CD5: variants seen among roughly 807,000 people sequenced by gnomAD.
CD5 encodes CD5 molecule, also known as T-cell surface glycoprotein CD5.
CD5 carries 36 observed loss-of-function variants against 60.3 expected under a neutral mutation model. The observed-to-expected ratio is 0.60, with a 90% confidence interval of 0.46 to 0.79. The LOEUF (loss-of-function observed/expected upper bound fraction) is 0.79, where lower values mean the gene tolerates loss of function less well. Ranked by LOEUF, CD5 falls within the 30% of genes least tolerant of loss-of-function variation. The pLI is 0.00. For missense variants in CD5, 540 were observed against 630.6 expected (o/e 0.86, Z 1.54); for synonymous variants, 230 against 257.6 (o/e 0.89, Z 1.03).
chr11:61,096,980 C>T, the CD5 span, among the ~76,000 whole-genome samples: 1 of 152,156 alleles, frequency 6.6e-6, no homozygotes, highest in Admixed American at 6.5e-5. Flanking sequence ...CTCCACGGAA[C>T]ACCCCCCTCC....
In CD5 at chr11:61,114,157, G is replaced by A. The variant is rs149932625; in HGVS notation, c.56-899G>A. On this transcript the variant is annotated intron_variant, in intron 1 of 10. Coordinates refer to ENST00000347785, the MANE Select transcript of CD5 (RefSeq NM_014207.4). ...AAACAGGGTCTTACTCTGTCACCCAGCTAGAGTGCTGTGGCATAATCATAG... is the reference window on the plus strand; with the variant it reads ...AAACAGGGTCTTACTCTGTCACCCAACTAGAGTGCTGTGGCATAATCATAG... Among the ~76,000 whole-genome samples the A allele has an allele frequency of 2.2e-3, 329 of 152,168 alleles. 3 individuals are homozygous for A. Among genetic ancestry groups the A allele is most frequent in the Non-Finnish European group, 3.6e-3 (243 of 68,002 alleles).
At chr11:61,123,521 A>G (rs1449658049) in intron 7 of CD5, among the ~76,000 whole-genome samples, 1 of 152,180 alleles carries the variant, frequency 6.6e-6, no homozygotes, top group Non-Finnish European at 1.5e-5. Context: ...AGAGGAAATT[A>G]TTCAGACAAA....
At chr11:61,120,277 T>C (rs1181544213) in intron 5 of CD5, among the ~76,000 whole-genome samples, 1 of 152,096 alleles carries the variant, frequency 6.6e-6, no homozygotes, top group Non-Finnish European at 1.5e-5. Flanking sequence ...GCAGTACGCC[T>C]CCCTCCGGAA....
At chr11:61,121,929 G>A (rs1861066182) in intron 6 of CD5, 25 bp downstream of exon 6, 1 of 1,504,700 alleles carries the variant, frequency 6.6e-7, no homozygotes, top group African/African-American at 1.4e-5. Flanking sequence ...GCCCACAGTG[G>A]GTGGAAGCAG....
chr11:61,111,578 T>C lies in CD5; in HGVS notation c.56-3478T>C, dbSNP rs141607378. Reference sequence around the variant, plus strand: ...GCCTCTCAATAAACCCATTGTAAGCTGAAAACATCCTAAGTCAAAAATTCA... The same window carrying C: ...GCCTCTCAATAAACCCATTGTAAGCCGAAAACATCCTAAGTCAAAAATTCA... On this transcript the variant is annotated intron_variant, in intron 1 of 10. Transcript: ENST00000347785. Among the ~76,000 whole-genome samples the C allele has an allele frequency of 2.0e-5, 3 of 152,340 alleles. No individual in the cohort carries two copies. In the East Asian group the frequency reaches 5.8e-4, roughly 29 times the overall value.
intron 8 of CD5, 34 bp from the exon 9 acceptor site, chr11:61,124,998 A>C: frequency 6.2e-7 from 1 of 1,613,532 alleles, no homozygotes. Flanking sequence ...GGACACAGCC[A>C]CAAGTCTGAC....
intron 2 of CD5, among the ~76,000 whole-genome samples, chr11:61,117,513 G>T (rs575596618): frequency 6.6e-6 from 1 of 151,872 alleles, no homozygotes; most frequent in South Asian, 2.1e-4. Flanking sequence ...TTTTGAGATG[G>T]AATCTTGATC....
chr11:61,097,663 G>A (rs1057246054), upstream of CD5, among the ~76,000 whole-genome samples: 5 of 152,154 alleles, frequency 3.3e-5, no homozygotes, highest in African/African-American at 1.2e-4. Context: ...ATAAAAACAG[G>A]TGAACTCCTG....
chr11:61,100,443 A>T (rs1279166076), upstream of CD5, among the ~76,000 whole-genome samples: 40 of 146,120 alleles, frequency 2.7e-4, 1 homozygote, highest in African/African-American at 9.9e-4. Context: ...TCACACACAC[A>T]CAACATGGAG....
At chr11:61,094,558 A>G in the CD5 span, among the ~76,000 whole-genome samples, 3 of 152,112 alleles carry the variant, frequency 2.0e-5, no homozygotes, top group South Asian at 4.2e-4. Flanking sequence ...ATTGCTTGAT[A>G]CTTTGGTTTT....
chr11:61,115,560 T>C (rs989244753), intron 2 of CD5, among the ~76,000 whole-genome samples: 2 of 152,170 alleles, frequency 1.3e-5, no homozygotes, highest in African/African-American at 2.4e-5. Flanking sequence ...TAGGGTTCCA[T>C]GGAGCATGTT....
rs765883722 is a variant in CD5, at chr11:61,118,173, A to C, written c.95-2A>C. 2 of 1,611,780 alleles carry C rather than the reference A, an allele frequency of 1.2e-6. No homozygotes were observed. Among genetic ancestry groups the C allele is most frequent in the Non-Finnish European group, 1.7e-6 (2 of 1,178,090 alleles). On this transcript the variant is annotated splice_acceptor_variant, in intron 2 of 10. Transcript: ENST00000347785. LOFTEE classifies it high-confidence loss of function. The surrounding 1 kb of genome is among the most constrained non-coding windows in gnomAD (Gnocchi z 4.7). ...CCCCCACCACACCTTTCTGACCCCC[A>C]GATTTCCAGGCAAGGCTCACCCGTT...
At position 61,122,914 on chromosome 11, in the gene CD5, T is replaced by A. The variant is rs2134611126; in HGVS notation, c.1107T>A (p.Asp369Glu). 6.2e-7 allele frequency: 1 copy of A among 1,612,832 alleles called. No homozygotes were observed. Among genetic ancestry groups the A allele is most frequent in the East Asian group, 2.2e-5 (1 of 44,868 alleles). Residue 369 changes from aspartate (D) to glutamate (E), a missense_variant, in exon 7 of 11, where the codon GAT becomes GAA. Physicochemically the swap from Asp to Glu is conservative, Grantham distance 45. Coordinates refer to ENST00000347785, the MANE Select transcript of CD5 (RefSeq NM_014207.4). The stretch of plus-strand genomic sequence containing the variant: ...CTCTTCCTCCTTCCCCAGGCCAGGA[T>A]CCAAACCCCGCAGGCCTGGCCGCAG... Reference protein sequence around the residue: ...YCKKVFVTCQDPNPAGLAAGT... With the variant: ...YCKKVFVTCQEPNPAGLAAGT...
chr11:61,095,069 G>A, the CD5 span, among the ~76,000 whole-genome samples: 1 of 152,130 alleles, frequency 6.6e-6, no homozygotes, highest in Non-Finnish European at 1.5e-5. Context: ...ACCCGCCGAG[G>A]GAAGTCAGCA....
intron 8 of CD5, 25 bp from the exon 9 acceptor site, chr11:61,125,007 A>G (rs770081270): frequency 6.2e-7 from 1 of 1,613,738 alleles, no homozygotes; most frequent in African/African-American, 1.3e-5. Context: ...CACAAGTCTG[A>G]CACTGTCTCC....
At chr11:61,100,804 C>T (rs111218975), upstream of CD5, among the ~76,000 whole-genome samples, 1 of 139,296 alleles carries the variant, frequency 7.2e-6, no homozygotes, top group African/African-American at 2.7e-5. Flanking sequence ...GGAGATCACA[C>T]ACACACATCA....
upstream of CD5, among the ~76,000 whole-genome samples, chr11:61,100,825 TA>T (rs1860666244): frequency 1.3e-5 from 1 of 74,800 alleles, no homozygotes; most frequent in African/African-American, 5.8e-5. Context: ...ACATGGAGAT[TA>T]CACACACATC....
At chr11:61,103,472 C>T (rs1220112488) in intron 1 of CD5, among the ~76,000 whole-genome samples, 2 of 152,170 alleles carry the variant, frequency 1.3e-5, no homozygotes, top group Non-Finnish European at 2.9e-5. Context: ...GAGGCCTTGC[C>T]TGCCTGAGCA....
chr11:61,096,178 C>T, the CD5 span, among the ~76,000 whole-genome samples: 1 of 152,230 alleles, frequency 6.6e-6, no homozygotes, highest in Admixed American at 6.5e-5. Context: ...TCTAATCTCC[C>T]ATGCTTGCAA....
Sources: gnomAD v4.1 joint callset for allele counts (sites outside exome capture counted in the v4.1 genomes callset) on GRCh38, gnomAD v4.1.1 for gene constraint, Gnocchi (gnomAD v3.1) non-coding constraint, MANE v1.5 for transcripts, NCBI Gene and HGNC (gene_info 2026-07-23, HGNC 2026-07-21) for gene names.